The following OR51B5 variants were observed in gnomAD, a reference collection of about 807,000 sequenced individuals.
OR51B5 encodes the protein olfactory receptor family 51 subfamily B member 5.
For missense variants in OR51B5, 456 were observed against 374.6 expected, an observed-to-expected ratio of 1.22 and a Z score of -1.79; for synonymous variants, 186 against 144.8, an observed-to-expected ratio of 1.28 and a Z score of -2.04.
chr11:5,450,335 G>A (rs1850825370), intron 1 of OR51B5, among the ~76,000 whole-genome samples: 1 of 152,136 alleles, frequency 6.6e-6, no homozygotes, highest in Non-Finnish European at 1.5e-5. Context: ...GTTGCAGTGA[G>A]CCAAGATTGC....
intron 1 of OR51B5, among the ~76,000 whole-genome samples, chr11:5,490,672 T>C (rs1477329357): frequency 1.3e-5 from 2 of 152,226 alleles, no homozygotes; most frequent in Non-Finnish European, 2.9e-5. Context: ...TCAGGGAGAC[T>C]AATAGCCTAA....
intron 1 of OR51B5, chr11:5,402,484 C>T: frequency 2.8e-6 from 1 of 357,984 alleles, no homozygotes; most frequent in South Asian, 2.2e-5. Context: ...TGTGAGTTTG[C>T]TTTTTTCTTC....
chr11:5,481,573 C>G (rs190161345), intron 1 of OR51B5, among the ~76,000 whole-genome samples: 74 of 150,656 alleles, frequency 4.9e-4, no homozygotes, highest in Middle Eastern at 3.4e-3. Context: ...CAAATTGTCC[C>G]TGTTTGCAGA....
chr11:5,355,848 G>A (rs4910762), intron 1 of OR51B5, among the ~76,000 whole-genome samples: 57,478 of 151,612 alleles, frequency 0.38, 11,086 homozygotes, highest in Non-Finnish European at 0.41. Context: ...TCTGATTCCT[G>A]TAGTGACATA....
At chr11:5,451,492 A>G (rs1850847735) in intron 1 of OR51B5, among the ~76,000 whole-genome samples, 1 of 152,240 alleles carries the variant, frequency 6.6e-6, no homozygotes, top group African/African-American at 2.4e-5. Context: ...AAGAGACACA[A>G]GCATATGCAG....
chr11:5,406,917 C>CA (rs1284238936), intron 1 of OR51B5, among the ~76,000 whole-genome samples: 6 of 151,962 alleles, frequency 3.9e-5, no homozygotes, highest in Non-Finnish European at 7.4e-5. Flanking sequence ...GTCAGAGCTA[C>CA]AAAAATAAGT....
intron 1 of OR51B5, among the ~76,000 whole-genome samples, chr11:5,358,332 A>G (rs1301977830): frequency 6.6e-6 from 1 of 150,956 alleles, no homozygotes; most frequent in Non-Finnish European, 1.5e-5. Context: ...TCCCACAGAA[A>G]TACAAACCAC....
At chr11:5,356,702 A>G (rs1589951033) in intron 1 of OR51B5, among the ~76,000 whole-genome samples, 1 of 125,102 alleles carries the variant, frequency 8.0e-6, no homozygotes, top group African/African-American at 2.9e-5. Context: ...AAATGAAGGG[A>G]AAAATGTTAA....
intron 1 of OR51B5, among the ~76,000 whole-genome samples, chr11:5,366,976 T>A (rs1455186420): frequency 6.6e-6 from 1 of 152,054 alleles, no homozygotes; most frequent in Non-Finnish European, 1.5e-5. Flanking sequence ...TCTCCTAACA[T>A]TCCCCTCCCA....
intron 1 of OR51B5, among the ~76,000 whole-genome samples, chr11:5,479,494 C>A (rs1292417335): frequency 6.7e-6 from 1 of 150,048 alleles, no homozygotes; most frequent in African/African-American, 2.5e-5. Context: ...ATGACAGGAT[C>A]AAATTCACAC....
intron 1 of OR51B5, chr11:5,390,310 C>G: frequency 6.2e-7 from 1 of 1,613,548 alleles, no homozygotes; most frequent in Non-Finnish European, 8.5e-7. Flanking sequence ...CAATCATATA[C>G]AGCATTAAGA....
chr11:5,353,722 C>T (rs1849139309), intron 1 of OR51B5, among the ~76,000 whole-genome samples: 1 of 152,186 alleles, frequency 6.6e-6, no homozygotes, highest in African/African-American at 2.4e-5. Context: ...CACAAGGGGC[C>T]ACCCAGTGAC....
At chr11:5,376,117 A>G (rs1475264485) in intron 1 of OR51B5, among the ~76,000 whole-genome samples, 1 of 152,174 alleles carries the variant, frequency 6.6e-6, no homozygotes, top group African/African-American at 2.4e-5. Context: ...ACTGTCTCTC[A>G]GACCACAGTG....
At chr11:5,350,162 C>T (rs1214118145) in intron 1 of OR51B5, among the ~76,000 whole-genome samples, 4 of 152,118 alleles carry the variant, frequency 2.6e-5, no homozygotes, top group Non-Finnish European at 5.9e-5. Flanking sequence ...AACATTTCCC[C>T]TTACTTTGTG....
chr11:5,421,511 A>C (rs554683883), intron 1 of OR51B5, among the ~76,000 whole-genome samples: 230 of 152,384 alleles, frequency 1.5e-3, no homozygotes, highest in Non-Finnish European at 2.8e-3. Flanking sequence ...GCTGTTAAAC[A>C]GACTTCTGAC....
chr11:5,482,298 G>A (rs1350218797), intron 1 of OR51B5, among the ~76,000 whole-genome samples: 3 of 78,224 alleles, frequency 3.8e-5, no homozygotes, highest in African/African-American at 1.3e-4. Flanking sequence ...AAACTGGCTA[G>A]CCATATGTAG....
chr11:5,432,447 G>A (rs1022675858), intron 1 of OR51B5, among the ~76,000 whole-genome samples: 4 of 152,092 alleles, frequency 2.6e-5, no homozygotes, highest in African/African-American at 9.7e-5. Context: ...TGTTTGGCTT[G>A]GTTTGAGTTT....
chr11:5,395,232 A>G (rs191278132), intron 1 of OR51B5, among the ~76,000 whole-genome samples: 245 of 152,332 alleles, frequency 1.6e-3, no homozygotes, highest in African/African-American at 5.6e-3. Flanking sequence ...AGACAGCTTT[A>G]TAAGTGCCAG....
At chr11:5,457,443 C>T (rs942649046) in intron 1 of OR51B5, among the ~76,000 whole-genome samples, 1 of 152,126 alleles carries the variant, frequency 6.6e-6, no homozygotes, top group Admixed American at 6.5e-5. Flanking sequence ...AACATACAAG[C>T]GTATGTGTCT....
Sources: gnomAD v4.1 joint callset for allele counts (sites outside exome capture counted in the v4.1 genomes callset) on GRCh38, gnomAD v4.1.1 for gene constraint, MANE v1.5 for transcripts, NCBI Gene and HGNC (gene_info 2026-07-23, HGNC 2026-07-21) for gene names.